The following CCNY variants were observed in gnomAD, a reference collection of about 807,000 sequenced individuals.
CCNY encodes cyclin Y.
A neutral mutation model predicts 42.8 loss-of-function variants in CCNY; 19 were observed. The ratio of observed to expected loss-of-function variants is 0.44; its 90% CI spans 0.31 to 0.65. The LOEUF is 0.65. Among genes scored for constraint, CCNY ranks in the 30% least tolerant of loss-of-function variants. The pLI, the probability that CCNY is intolerant of heterozygous loss-of-function variation, is 0.07. For synonymous variants in CCNY, 165 were observed against 162.7 expected, an observed-to-expected ratio of 1.01 and a Z score of -0.11; for missense variants, 370 against 437.3, an observed-to-expected ratio of 0.85 and a Z score of 1.37.
chr10:35,337,909 G>A (rs1390144161), intron 1 of CCNY, among the ~76,000 whole-genome samples: 1 of 152,106 alleles, frequency 6.6e-6, no homozygotes, highest in Non-Finnish European at 1.5e-5. Context: ...TGGTTGGTCT[G>A]GAGTTTGCAA....
chr10:35,512,492 A>G (rs573172773), intron 3 of CCNY, among the ~76,000 whole-genome samples: 46 of 152,294 alleles, frequency 3.0e-4, no homozygotes, highest in African/African-American at 9.9e-4. Flanking sequence ...CAAGGAGGAA[A>G]CCCCAGAAAG....
chr10:35,351,519 A>G (rs1327554444), intron 1 of CCNY, among the ~76,000 whole-genome samples: 1 of 152,188 alleles, frequency 6.6e-6, no homozygotes, highest in African/African-American at 2.4e-5. Flanking sequence ...CTTTAGTTCT[A>G]TCAGCTGTTT....
At chr10:35,500,991 C>T (rs1242367729) in intron 2 of CCNY, among the ~76,000 whole-genome samples, 3 of 152,176 alleles carry the variant, frequency 2.0e-5, no homozygotes, top group African/African-American at 7.2e-5. Context: ...GCTGTATTCA[C>T]CAGCACCCAG....
chr10:35,381,591 G>A (rs968141233), intron 1 of CCNY, among the ~76,000 whole-genome samples: 1 of 150,914 alleles, frequency 6.6e-6, no homozygotes, highest in African/African-American at 2.4e-5. Context: ...AAGAAATACT[G>A]TATGCAACAT....
At chr10:35,508,044 G>A (rs565531606) in intron 3 of CCNY, among the ~76,000 whole-genome samples, 8 of 152,186 alleles carry the variant, frequency 5.3e-5, no homozygotes, top group Middle Eastern at 3.4e-3. Context: ...AGCAGTCTCT[G>A]GGCAGGTACT....
At position 35,323,254 on chromosome 10, in the gene CCNY, C is replaced by A. The variant is rs554086732; in HGVS notation, c.-9+72628C>A. On this transcript the variant is annotated intron_variant, in intron 3 of 11. Transcript: ENST00000374706. ...GCCATTTCTTTTAAAATTAAACATA[C>A]ACTTAGCATACAACCCAGTAGTCTT... is the stretch of plus-strand genomic sequence containing the variant. Among the ~76,000 whole-genome samples, 3 of 152,204 alleles carry A rather than the reference C, an allele frequency of 2.0e-5. No homozygotes were observed. In the East Asian group the frequency reaches 5.8e-4, roughly 29 times the overall value.
chr10:35,471,728 G>A lies in CCNY; in HGVS notation c.155-11676G>A, dbSNP rs372012063. The stretch of plus-strand genomic sequence containing the variant: ...GAGGCCCTTAGAATAACCATTCTTT[G>A]AATATTTTAATTCAGCTGTGTGTCT... On this transcript the variant is annotated intron_variant, in intron 1 of 9. Transcript: ENST00000374704. 3.3e-4 allele frequency among the ~76,000 whole-genome samples: 51 copies of A among 152,310 alleles called. 1 individual carries two copies. The highest frequency in any genetic ancestry group is 1.2e-3 in the African/African-American group (51 of 41,562).
chr10:35,446,241 A>G (rs1435795304), intron 1 of CCNY, among the ~76,000 whole-genome samples: 3 of 152,226 alleles, frequency 2.0e-5, no homozygotes, highest in Non-Finnish European at 4.4e-5. Context: ...ATAGTACTAA[A>G]TGTTCGATTC....
chr10:35,483,431 A>G lies in CCNY; in HGVS notation c.182A>G (p.Asp61Gly). 1 of 1,608,554 alleles carries G rather than the reference A, an allele frequency of 6.2e-7. No individual in the cohort carries two copies. Among genetic ancestry groups the G allele is most frequent in the East Asian group, 2.2e-5 (1 of 44,678 alleles). Residue 61 changes from aspartate to glycine, a missense_variant, in exon 2 of 10, where the codon GAT becomes GGT. Asp to Gly is a moderately conservative substitution (Grantham distance 94, BLOSUM62 -1). Coordinates refer to ENST00000374704, the MANE Select transcript of CCNY (RefSeq NM_145012.6). ...DDLNMEFNPS[D>G]HPRASTIFLS... Reference sequence around the variant, plus strand: ...TTGAACATGGAATTCAATCCTTCAGATCATCCTCGGGCCAGCACAATATTC... The same window carrying G: ...TTGAACATGGAATTCAATCCTTCAGGTCATCCTCGGGCCAGCACAATATTC...
At chr10:35,464,003 A>G (rs187272295) in intron 1 of CCNY, among the ~76,000 whole-genome samples, 1 of 152,342 alleles carries the variant, frequency 6.6e-6, no homozygotes, top group East Asian at 1.9e-4. Context: ...GTAACAGGCT[A>G]TCTTTATCTT....
At chr10:35,452,718 A>G (rs1457574538) in intron 1 of CCNY, among the ~76,000 whole-genome samples, 2 of 150,292 alleles carry the variant, frequency 1.3e-5, no homozygotes, top group Non-Finnish European at 2.9e-5. Flanking sequence ...CATTCTCTTC[A>G]TTTTGGATGT....
intron 3 of CCNY, among the ~76,000 whole-genome samples, chr10:35,304,979 C>T (rs1835589568): frequency 6.6e-6 from 1 of 151,680 alleles, no homozygotes; most frequent in Admixed American, 6.6e-5. Flanking sequence ...CCGTGTTGCA[C>T]AGTATTTAGG....
chr10:35,381,933 T>C lies in CCNY; in HGVS notation c.154+44726T>C, dbSNP rs372711015. On this transcript the variant is annotated intron_variant, in intron 1 of 9. Coordinates refer to ENST00000374704, the MANE Select transcript of CCNY (RefSeq NM_145012.6). The stretch of plus-strand genomic sequence containing the variant: ...TTGCTTGGTAAGTGCAAAAATAATA[T>C]CTGTAAAATTAAAACTTATCACATT... Among the ~76,000 whole-genome samples the C allele has an allele frequency of 3.3e-5, 5 of 151,972 alleles. No homozygotes were observed. In the East Asian group the frequency reaches 9.7e-4, roughly 29 times the overall value.
At chr10:35,306,963 A>G in intron 3 of CCNY, among the ~76,000 whole-genome samples, 1 of 124,582 alleles carries the variant, frequency 8.0e-6, no homozygotes, top group Non-Finnish European at 1.7e-5. Flanking sequence ...TCTATCAGTC[A>G]GGGAATCAGT....
intron 8 of CCNY, among the ~76,000 whole-genome samples, chr10:35,563,761 C>T (rs1301686054): frequency 6.6e-6 from 1 of 152,076 alleles, no homozygotes; most frequent in Non-Finnish European, 1.5e-5. Context: ...GGCTGGAGTG[C>T]AGTGGGGCAA....
intron 1 of CCNY, among the ~76,000 whole-genome samples, chr10:35,431,506 GGA>G (rs1267599261): frequency 1.4e-5 from 2 of 145,614 alleles, no homozygotes; most frequent in Non-Finnish European, 3.0e-5. Context: ...TGGTGGTGGG[GGA>G]GAGAGAGAGA....
chr10:35,566,248 A>G lies in CCNY; in HGVS notation c.909+63A>G, dbSNP rs112686777. The G allele has an allele frequency of 2.1e-3, 3,123 of 1,492,320 alleles. 42 individuals are homozygous for G. In the African/African-American group the frequency reaches 0.039, roughly 19 times the overall value. 92.4% of individuals were successfully genotyped at this position (1,492,320 alleles called of 1,614,324 possible). A position where few individuals can be genotyped will look rare whatever the true frequency, so the allele number is the denominator to read the frequency against. On this transcript the variant is annotated intron_variant, in intron 9 of 9. Transcript: ENST00000374704. ...TGCCAATACATCATCTGAGTACCAG[A>G]GATGCATGTGGTCACATTGATCATT...
At chr10:35,412,399 T>C (rs891887152) in intron 1 of CCNY, among the ~76,000 whole-genome samples, 2 of 152,054 alleles carry the variant, frequency 1.3e-5, no homozygotes, top group Non-Finnish European at 2.9e-5. Flanking sequence ...GGGAGTATAA[T>C]CAAATGCATT....
Position 35,346,650 on chromosome 10 carries a change from G to T in CCNY, c.154+9443G>T, listed in dbSNP as rs540307596. Among the ~76,000 whole-genome samples the T allele has an allele frequency of 8.0e-4, 122 of 152,228 alleles. 1 individual carries two copies. The highest frequency in any genetic ancestry group is 3.5e-3 in the South Asian group (17 of 4,828). ...ATACATTAGGTTTTACTGTTTTTTT[G>T]AGATGGGTTTTGTTCTGTTGCCCAG... On this transcript the variant is annotated intron_variant, in intron 1 of 9. Transcript: ENST00000374704.
Sources: gnomAD v4.1 joint callset for allele counts (sites outside exome capture counted in the v4.1 genomes callset) on GRCh38, gnomAD v4.1.1 for gene constraint, MANE v1.5 for transcripts, NCBI Gene and HGNC (gene_info 2026-07-23, HGNC 2026-07-21) for gene names.